Variants in ERP44 observed in about 807,000 individuals in gnomAD.
ERP44 encodes the protein endoplasmic reticulum resident protein 44.
In ERP44, 25 loss-of-function variants were observed where a neutral mutation model predicts 53.4. The observed-to-expected ratio is 0.47, with a 90% CI of 0.34 to 0.65. The LOEUF (loss-of-function observed/expected upper bound fraction) is 0.65, where lower values mean the gene tolerates loss of function less well. Ranked by LOEUF, ERP44 falls within the 30% of genes least tolerant of loss-of-function variation. The pLI, the probability that ERP44 is intolerant of heterozygous loss-of-function variation, is 0.01. For synonymous variants in ERP44, 145 were observed against 161.2 expected (o/e 0.90, Z 0.76); for missense variants, 338 against 493.2 (o/e 0.69, Z 2.98).
intron 10 of ERP44, among the ~76,000 whole-genome samples, chr9:100,001,769 C>T (rs1830380753): frequency 6.6e-6 from 1 of 152,146 alleles, no homozygotes; most frequent in Non-Finnish European, 1.5e-5. Flanking sequence ...TTTATCCATT[C>T]AGCCAGTCTC....
At position 99,981,465 on chromosome 9, in the gene ERP44, G is replaced by T. The variant is rs1830148463; in HGVS notation, c.*1147C>A. 1 of 152,424 alleles carries T rather than the reference G, an allele frequency of 6.6e-6. No homozygotes were observed. The highest frequency in any genetic ancestry group is 1.5e-5 in the Non-Finnish European group (1 of 68,014). The allele number at this position is 152,424 out of a possible 1,614,324, so 9.4% of individuals were successfully genotyped here. On this transcript the variant is annotated 3_prime_UTR_variant, in exon 12 of 12. Transcript: ENST00000262455. ...TATACCCAAGTATAAAATGACCCTT[G>T]GCCTATAGCACCAACCCAGGCCCAG... is the stretch of plus-strand genomic sequence containing the variant.
At chr9:100,070,622 C>G (rs531460879) in intron 1 of ERP44, among the ~76,000 whole-genome samples, 1 of 152,316 alleles carries the variant, frequency 6.6e-6, no homozygotes, top group East Asian at 1.9e-4. Context: ...ACCAAGTATT[C>G]TGCTTCTTGA....
At chr9:100,054,429 C>T (rs781681250) in intron 3 of ERP44, among the ~76,000 whole-genome samples, 2 of 151,928 alleles carry the variant, frequency 1.3e-5, no homozygotes, top group Non-Finnish European at 2.9e-5. Flanking sequence ...TTAAGGGCGA[C>T]GTAAAAAAAC....
chr9:100,016,031 C>A (rs1420016268), intron 8 of ERP44, among the ~76,000 whole-genome samples: 1 of 152,192 alleles, frequency 6.6e-6, no homozygotes, highest in Non-Finnish European at 1.5e-5. Context: ...TCCACCTAAA[C>A]AGGGATCCTC....
At chr9:100,053,183 T>C (rs1291718844) in intron 3 of ERP44, among the ~76,000 whole-genome samples, 2 of 152,192 alleles carry the variant, frequency 1.3e-5, no homozygotes, top group Non-Finnish European at 1.5e-5. Flanking sequence ...TGGTATATAA[T>C]TAACTATTTC....
intron 1 of ERP44, among the ~76,000 whole-genome samples, chr9:100,070,027 G>A (rs1253086028): frequency 3.3e-5 from 5 of 151,982 alleles, no homozygotes; most frequent in Admixed American, 1.3e-4. Context: ...CTCAATGTGC[G>A]GAAAAAAATT....
At chr9:100,031,686 T>C (rs1323131091) in intron 4 of ERP44, among the ~76,000 whole-genome samples, 1 of 152,080 alleles carries the variant, frequency 6.6e-6, no homozygotes, top group East Asian at 1.9e-4. Context: ...AAAGAACTGT[T>C]TTTTTTTAAG....
chr9:100,015,640 A>G (rs1157111025), intron 8 of ERP44, among the ~76,000 whole-genome samples: 1 of 152,236 alleles, frequency 6.6e-6, no homozygotes, highest in East Asian at 1.9e-4. Flanking sequence ...TATTCATTGT[A>G]TAGAAATAAT....
chr9:100,034,140 T>C lies in ERP44; in HGVS notation c.287-11914A>G, dbSNP rs768388537. On this transcript the variant is annotated intron_variant, in intron 4 of 11. Coordinates refer to ENST00000262455, the MANE Select transcript of ERP44 (RefSeq NM_015051.3). ...AGGCATTCTAAGTCATAGGATGAGA[T>C]AGGAGGTTGGCACAAGATACAGATC... Among the ~76,000 whole-genome samples the C allele has an allele frequency of 5.3e-5, 8 of 152,242 alleles. No individual in the cohort carries two copies. In the East Asian group the frequency reaches 1.2e-3, roughly 22 times the overall value.
intron 4 of ERP44, among the ~76,000 whole-genome samples, chr9:100,051,424 A>G (rs550641594): frequency 9.2e-5 from 14 of 152,308 alleles, no homozygotes; most frequent in African/African-American, 3.4e-4. Context: ...TTAAGTATAA[A>G]AAAATAGAAA....
chr9:100,022,622 T>A (rs1231166604), intron 4 of ERP44, among the ~76,000 whole-genome samples: 1 of 152,104 alleles, frequency 6.6e-6, no homozygotes, highest in Admixed American at 6.5e-5. Flanking sequence ...TAATGCCTTA[T>A]GGGGTTCGAC....
chr9:100,079,451 CACACAG>C (rs1826396802), intron 1 of ERP44, among the ~76,000 whole-genome samples: 2 of 150,678 alleles, frequency 1.3e-5, no homozygotes, highest in South Asian at 2.1e-4. Flanking sequence ...CACACACACA[CACACAG>C]ACACCCTATT....
rs1231765033 is a variant in ERP44 at position 99,979,843 on chromosome 9, T to C, written c.*2769A>G. The C allele has an allele frequency of 2.5e-6, 1 of 397,330 alleles. No homozygotes were observed. Among genetic ancestry groups the C allele is most frequent in the Non-Finnish European group, 4.4e-6 (1 of 225,574 alleles). The allele number at this position is 397,330 out of a possible 1,614,324, so 24.6% of individuals were successfully genotyped here. A position where few individuals can be genotyped will look rare whatever the true frequency, so the allele number is the denominator to read the frequency against. On this transcript the variant is annotated 3_prime_UTR_variant, in exon 12 of 12. Coordinates refer to ENST00000262455, the MANE Select transcript of ERP44 (RefSeq NM_015051.3). ...AATTTGAGACGTGCTTCCACACTAT[T>C]CTTTCTCAAACTTTAAAGTGAACAT... is the stretch of plus-strand genomic sequence containing the variant.
At chr9:100,081,613 A>G (rs1166466423) in intron 1 of ERP44, among the ~76,000 whole-genome samples, 2 of 152,178 alleles carry the variant, frequency 1.3e-5, no homozygotes, top group African/African-American at 2.4e-5. Context: ...GATGCTAAAA[A>G]GGTATTTGAC....
intron 1 of ERP44, among the ~76,000 whole-genome samples, chr9:100,063,785 C>T (rs10739795): frequency 0.68 from 103,057 of 152,082 alleles, 36,154 homozygotes; most frequent in East Asian, 0.91. Flanking sequence ...TTCTCTCCAG[C>T]TTATTAGCTC....
chr9:100,045,936 A>C (rs1279765061), intron 4 of ERP44, among the ~76,000 whole-genome samples: 2 of 151,828 alleles, frequency 1.3e-5, no homozygotes, highest in African/African-American at 2.4e-5. Context: ...TTTAATTTGC[A>C]AAAAAAACCT....
chr9:100,079,455 C>CACAG lies in ERP44; in HGVS notation c.58-19284_58-19283insCTGT, dbSNP rs1491502227. Among the ~76,000 whole-genome samples the CACAG allele has an allele frequency of 2.7e-3, 388 of 144,784 alleles. 2 individuals carry two copies. The highest frequency in any genetic ancestry group is 3.8e-3 in the Non-Finnish European group (249 of 66,182). 95.0% of individuals were successfully genotyped at this position (144,784 alleles called of 152,430 possible). On this transcript the variant is annotated intron_variant, in intron 1 of 11. Coordinates refer to ENST00000262455, the MANE Select transcript of ERP44 (RefSeq NM_015051.3). ...ACACACACACACACACACACACACACAGACACCCTATTAGTTCTGCTTTTC... is the reference window on the plus strand; with the variant it reads ...ACACACACACACACACACACACACACACAGAGACACCCTATTAGTTCTGCTTTTC...
At chr9:100,050,644 A>G (rs1826026960) in intron 4 of ERP44, among the ~76,000 whole-genome samples, 1 of 152,236 alleles carries the variant, frequency 6.6e-6, no homozygotes, top group African/African-American at 2.4e-5. Context: ...CATTTCTTTA[A>G]AAGAATTACA....
intron 1 of ERP44, among the ~76,000 whole-genome samples, chr9:100,084,758 G>A (rs958367217): frequency 2.6e-5 from 4 of 152,032 alleles, no homozygotes; most frequent in African/African-American, 4.8e-5. Context: ...TCCGAAAATC[G>A]TATCATACGG....
Sources: allele counts gnomAD v4.1 joint callset (sites outside exome capture counted in the v4.1 genomes callset), GRCh38; gene constraint gnomAD v4.1.1; transcripts MANE v1.5; gene names NCBI Gene and HGNC (gene_info 2026-07-23, HGNC 2026-07-21).